The following SRGAP3 variants were observed in gnomAD, a reference collection of about 807,000 sequenced individuals.
SRGAP3 encodes the protein SLIT-ROBO Rho GTPase activating protein 3.
Under a neutral mutation model 121.1 loss-of-function variants are expected in SRGAP3, and 39 were observed. The observed-to-expected ratio is 0.32, with a 90% CI of 0.25 to 0.42. SRGAP3 has a LOEUF of 0.42. SRGAP3 is among the 10% of genes least tolerant of loss of function. SRGAP3 has a pLI of 1.00. For missense variants in SRGAP3, 1,213 were observed against 1,470.6 expected (o/e 0.82, Z 2.86); for synonymous variants, 601 against 570.0 (o/e 1.05, Z -0.77).
chr3:9,333,130 T>C (rs1394119847), intron 1 of SRGAP3, among the ~76,000 whole-genome samples: 1 of 152,196 alleles, frequency 6.6e-6, no homozygotes, highest in Non-Finnish European at 1.5e-5. Flanking sequence ...AAAATTATAG[T>C]CTACTTTTTA....
chr3:9,083,109 G>A lies in SRGAP3; in HGVS notation c.424-3022C>T, dbSNP rs532749558. Among the ~76,000 whole-genome samples the A allele has an allele frequency of 3.9e-5, 6 of 152,234 alleles. No homozygotes were observed. The South Asian group carries it at 1.2e-3, about 32-fold the overall frequency. On this transcript the variant is annotated intron_variant, in intron 3 of 21. Transcript: ENST00000383836. ...TTCCTATTCTCCATGACTCTCTCAA[G>A]TGAACAATCAGTGCCTCAGTTTCCC...
At chr3:9,345,679 G>A (rs1298128819) in intron 1 of SRGAP3, among the ~76,000 whole-genome samples, 2 of 150,106 alleles carry the variant, frequency 1.3e-5, no homozygotes, top group African/African-American at 4.9e-5. Flanking sequence ...CCAGCTACCT[G>A]GGAGGCTGAG....
intron 3 of SRGAP3, among the ~76,000 whole-genome samples, chr3:9,297,513 A>C (rs892357541): frequency 3.9e-5 from 6 of 152,054 alleles, no homozygotes; most frequent in Non-Finnish European, 5.9e-5. Flanking sequence ...AATGTGACTA[A>C]ATTTGGAGAC....
At chr3:9,031,111 A>G (rs1003135379) in intron 12 of SRGAP3, among the ~76,000 whole-genome samples, 18 of 152,094 alleles carry the variant, frequency 1.2e-4, no homozygotes. Context: ...CACTGCGCCT[A>G]TCCTAAACTT....
intron 3 of SRGAP3, among the ~76,000 whole-genome samples, chr3:9,093,257 C>T (rs1377891988): frequency 6.6e-6 from 1 of 152,154 alleles, no homozygotes; most frequent in Non-Finnish European, 1.5e-5. Context: ...CATTTTATAA[C>T]CTGATCTTCT....
intron 1 of SRGAP3, among the ~76,000 whole-genome samples, chr3:9,182,134 C>T (rs1951427751): frequency 8.0e-6 from 1 of 124,756 alleles, no homozygotes; most frequent in African/African-American, 3.0e-5. Flanking sequence ...CAAGATTGTG[C>T]CATTGTACTC....
At chr3:9,343,003 G>A (rs571182809) in intron 1 of SRGAP3, among the ~76,000 whole-genome samples, 10 of 152,172 alleles carry the variant, frequency 6.6e-5, no homozygotes, top group African/African-American at 1.9e-4. Context: ...ATGCCTCTTC[G>A]ATCTTCTCAC....
chr3:9,345,883 T>C (rs576373423), intron 1 of SRGAP3, among the ~76,000 whole-genome samples: 2 of 151,728 alleles, frequency 1.3e-5, no homozygotes, highest in East Asian at 1.9e-4. Context: ...ATCTAGGCCA[T>C]AGTGCCTCCA....
intron 3 of SRGAP3, among the ~76,000 whole-genome samples, chr3:9,303,452 A>C (rs1955103208): frequency 6.6e-6 from 1 of 152,000 alleles, no homozygotes; most frequent in South Asian, 2.1e-4. Context: ...AACACTTAAC[A>C]TAAGACCTAC....
chr3:9,133,287 G>A (rs1488647729), intron 1 of SRGAP3, among the ~76,000 whole-genome samples: 2 of 152,022 alleles, frequency 1.3e-5, no homozygotes, highest in African/African-American at 2.4e-5. Context: ...TTTGAGACCA[G>A]CCTGGCCAAC....
intron 1 of SRGAP3, among the ~76,000 whole-genome samples, chr3:9,126,541 A>C (rs1949238817): frequency 6.6e-6 from 1 of 152,098 alleles, no homozygotes; most frequent in Non-Finnish European, 1.5e-5. Flanking sequence ...GGGGCAGGAG[A>C]ATCACTTGAA....
chr3:9,191,536 C>T (rs1951752977), intron 1 of SRGAP3, among the ~76,000 whole-genome samples: 1 of 152,128 alleles, frequency 6.6e-6, no homozygotes, highest in Admixed American at 6.5e-5. Context: ...GGGAAGGCTC[C>T]ACACAGGACA....
intron 1 of SRGAP3, among the ~76,000 whole-genome samples, chr3:9,336,325 C>G (rs1167691113): frequency 2.0e-5 from 3 of 152,060 alleles, no homozygotes; most frequent in African/African-American, 7.2e-5. Flanking sequence ...GAAGGATCCT[C>G]CTTCCTCAGC....
rs186134724 is a variant in SRGAP3, at chr3:9,288,137, T to G, written n.442+37873A>C. On this transcript the variant is annotated intron_variant and non_coding_transcript_variant, in intron 3 of 3. Coordinates refer to the SRGAP3 transcript ENST00000490889. ...TTGTTTCATTCTATCTTTGTTTTTT[T>G]TTTTTTTTTTTCTTTGGAGACAGAG... Among the ~76,000 whole-genome samples the G allele has an allele frequency of 1.6e-3, 236 of 150,652 alleles. 1 individual carries two copies. The highest frequency in any genetic ancestry group is 3.4e-3 in the African/African-American group (140 of 41,238).
chr3:9,017,854 G>C lies in SRGAP3; in HGVS notation c.1679-2123C>G, dbSNP rs142678188. ...TGAATATCTGTCATTTCTATGTGTTGGTATCATTTCAAGTCCTCTCTTCTA... is the reference window on the plus strand; with the variant it reads ...TGAATATCTGTCATTTCTATGTGTTCGTATCATTTCAAGTCCTCTCTTCTA... On this transcript the variant is annotated intron_variant, in intron 14 of 21. Coordinates refer to ENST00000383836, the MANE Select transcript of SRGAP3 (RefSeq NM_014850.4). Among the ~76,000 whole-genome samples the C allele has an allele frequency of 2.4e-3, 359 of 152,166 alleles. 1 individual carries two copies. The highest frequency in any genetic ancestry group is 3.7e-3 in the Non-Finnish European group (252 of 67,984).
intron 3 of SRGAP3, among the ~76,000 whole-genome samples, chr3:9,289,000 G>A (rs527799800): frequency 1.3e-4 from 20 of 151,994 alleles, no homozygotes; most frequent in African/African-American, 2.7e-4. Flanking sequence ...GGATTCAAGC[G>A]ATTCTCCTGC....
intron 1 of SRGAP3, among the ~76,000 whole-genome samples, chr3:9,351,794 G>A (rs1022039779): frequency 3.3e-5 from 5 of 152,142 alleles, no homozygotes; most frequent in African/African-American, 1.2e-4. Context: ...CAGCCTAGGT[G>A]TTGTCAAATT....
At chr3:9,082,991 G>C (rs1017419481) in intron 3 of SRGAP3, among the ~76,000 whole-genome samples, 5 of 152,296 alleles carry the variant, frequency 3.3e-5, no homozygotes, top group East Asian at 1.9e-4. Context: ...GAGAGGGTGT[G>C]GAGAACCTTC....
chr3:9,096,937 GTATATATATATATATATATATATATATA>G (rs58305278), intron 3 of SRGAP3, among the ~76,000 whole-genome samples: 66 of 61,324 alleles, frequency 1.1e-3, no homozygotes, highest in African/African-American at 2.3e-3. Context: ...ACATTATTTT[GTATATATATATATATATATATATATATA>G]TATATATATA....
Sources: allele counts gnomAD v4.1 joint callset (sites outside exome capture counted in the v4.1 genomes callset), GRCh38; gene constraint gnomAD v4.1.1; transcripts MANE v1.5; gene names NCBI Gene and HGNC (gene_info 2026-07-23, HGNC 2026-07-21).